GRID1: variants seen among roughly 807,000 people sequenced by gnomAD.
GRID1 encodes the protein glutamate receptor ionotropic, delta-1.
A neutral mutation model predicts 98.0 loss-of-function variants in GRID1; 28 were observed. The ratio of observed to expected loss-of-function variants is 0.29; its 90% confidence interval spans 0.21 to 0.39. GRID1 has a LOEUF of 0.39. GRID1 is among the 10% of genes least tolerant of loss of function. The pLI, the probability that GRID1 is intolerant of heterozygous loss-of-function variation, is 1.00. For synonymous variants in GRID1, 553 were observed against 538.5 expected (o/e 1.03, Z -0.37); for missense variants, 1,111 against 1,340.5 (o/e 0.83, Z 2.67).
intron 3 of GRID1, among the ~76,000 whole-genome samples, chr10:86,162,212 C>T (rs570437342): frequency 7.2e-5 from 11 of 152,160 alleles, no homozygotes; most frequent in South Asian, 4.2e-4. Flanking sequence ...GGTGGTGTCC[C>T]AGGCAGCAAG....
At chr10:85,953,768 C>A (rs1385401035) in intron 4 of GRID1, among the ~76,000 whole-genome samples, 2 of 152,212 alleles carry the variant, frequency 1.3e-5, no homozygotes, top group Non-Finnish European at 2.9e-5. Context: ...CTCCCCAGAA[C>A]AATTCATGCA....
At chr10:86,087,053 C>T (rs986059535) in intron 4 of GRID1, among the ~76,000 whole-genome samples, 7 of 152,028 alleles carry the variant, frequency 4.6e-5, no homozygotes, top group Admixed American at 3.3e-4. Flanking sequence ...GACAAAATTA[C>T]CAATAGTTTA....
chr10:86,105,685 G>A (rs1340423245), intron 4 of GRID1, among the ~76,000 whole-genome samples: 1 of 152,236 alleles, frequency 6.6e-6, no homozygotes, highest in African/African-American at 2.4e-5. Context: ...AGCCGGCACT[G>A]TGGAGAGAAA....
intron 8 of GRID1, among the ~76,000 whole-genome samples, chr10:85,832,813 C>G (rs551934575): frequency 6.6e-6 from 1 of 152,288 alleles, no homozygotes; most frequent in East Asian, 1.9e-4. Flanking sequence ...ATTCTTCTCC[C>G]AGCCAGACCA....
chr10:85,653,978 A>G (rs1308174971), intron 12 of GRID1, among the ~76,000 whole-genome samples: 1 of 152,156 alleles, frequency 6.6e-6, no homozygotes, highest in South Asian at 2.1e-4. Context: ...AGACTAAGAA[A>G]ACAGTTCTCC....
At chr10:85,990,226 T>C (rs1842663524) in intron 4 of GRID1, among the ~76,000 whole-genome samples, 1 of 152,178 alleles carries the variant, frequency 6.6e-6, no homozygotes, top group African/African-American at 2.4e-5. Flanking sequence ...CCCTGAAACT[T>C]AGGCATCGTT....
At chr10:85,955,010 C>T (rs1050492139) in intron 4 of GRID1, among the ~76,000 whole-genome samples, 2 of 152,046 alleles carry the variant, frequency 1.3e-5, no homozygotes, top group South Asian at 2.1e-4. Context: ...TACAAGTATA[C>T]AAAAAATACA....
chr10:85,602,221 A>T lies in GRID1; in HGVS notation c.*52T>A. 3 of 1,096,418 alleles carry T rather than the reference A, an allele frequency of 2.7e-6. No individual in the cohort carries two copies. Among genetic ancestry groups the T allele is most frequent in the Non-Finnish European group, 3.7e-6 (3 of 808,246 alleles). The allele number at this position is 1,096,418 out of a possible 1,614,324, so 67.9% of individuals were successfully genotyped here. On this transcript the variant is annotated 3_prime_UTR_variant, in exon 16 of 16. Transcript: ENST00000327946. ...GTGTTGTTGTTTTCTTGTATTAAAAAGCTCTGCTGGTCGGGTGGGTGGGAG... is the reference window on the plus strand; with the variant it reads ...GTGTTGTTGTTTTCTTGTATTAAAATGCTCTGCTGGTCGGGTGGGTGGGAG...
In GRID1 at chr10:86,108,386, G is replaced by A. The variant is rs139046599; in HGVS notation, c.726+30433C>T. Among the ~76,000 whole-genome samples, 435 of 152,328 alleles carry A rather than the reference G, an allele frequency of 2.9e-3. 13 individuals are homozygous for A. The highest frequency in any genetic ancestry group is 0.024 in the Admixed American group (361 of 15,306). ...ATAAACAAAAAAAGTGCTCAGAAAA[G>A]TGGTAAGCCTCAAAAGGTTATTAGC... On this transcript the variant is annotated intron_variant, in intron 4 of 15. Transcript: ENST00000327946.
At chr10:86,248,338 C>T (rs1846764789) in intron 2 of GRID1, among the ~76,000 whole-genome samples, 1 of 152,102 alleles carries the variant, frequency 6.6e-6, no homozygotes, top group Non-Finnish European at 1.5e-5. Flanking sequence ...AGCAGGTGGC[C>T]ATATTCAGAC....
intron 4 of GRID1, among the ~76,000 whole-genome samples, chr10:86,106,891 T>C (rs1236073941): frequency 6.6e-6 from 1 of 150,654 alleles, no homozygotes; most frequent in East Asian, 2.0e-4. Context: ...AGCCCAGGGG[T>C]GAAGAGGAAA....
intron 12 of GRID1, among the ~76,000 whole-genome samples, chr10:85,716,310 A>G (rs980495686): frequency 5.3e-5 from 8 of 152,140 alleles, no homozygotes; most frequent in Non-Finnish European, 1.0e-4. Flanking sequence ...TATCGCAAGG[A>G]CAAAAAAAAC....
chr10:85,850,989 A>G (rs1843053191), intron 8 of GRID1, among the ~76,000 whole-genome samples: 1 of 152,152 alleles, frequency 6.6e-6, no homozygotes, highest in African/African-American at 2.4e-5. Context: ...AGCTTCCCAC[A>G]CACACCACCT....
intron 2 of GRID1, among the ~76,000 whole-genome samples, chr10:86,208,509 T>C (rs540083628): frequency 6.6e-6 from 1 of 152,304 alleles, no homozygotes; most frequent in Admixed American, 6.5e-5. Flanking sequence ...CACCCTTTTC[T>C]GCTACATCCC....
chr10:86,038,334 C>G (rs1843298734), intron 4 of GRID1, among the ~76,000 whole-genome samples: 3 of 152,310 alleles, frequency 2.0e-5, no homozygotes, highest in Non-Finnish European at 2.9e-5. Flanking sequence ...CAGCTACAAG[C>G]CAGGTACGAT....
chr10:85,668,330 A>G (rs59310035), intron 12 of GRID1, among the ~76,000 whole-genome samples: 6,832 of 152,200 alleles, frequency 0.045, 459 homozygotes, highest in African/African-American at 0.15. Flanking sequence ...GTTTGTGTGT[A>G]TATGTGTGGT....
At chr10:85,878,683 C>A (rs937029249) in intron 5 of GRID1, among the ~76,000 whole-genome samples, 1 of 152,280 alleles carries the variant, frequency 6.6e-6, no homozygotes, top group South Asian at 2.1e-4. Flanking sequence ...AATGTAAAGA[C>A]CATCAAGGCT....
rs554334164 is a variant in GRID1, at chr10:86,291,812, C to G, written c.235+72129G>C. Among the ~76,000 whole-genome samples, 11 of 152,328 alleles carry G rather than the reference C, an allele frequency of 7.2e-5. No individual in the cohort carries two copies. The East Asian group carries it at 2.1e-3, about 29-fold the overall frequency. On this transcript the variant is annotated intron_variant, in intron 2 of 15. Transcript: ENST00000327946. ...CACCATGCCCTGAGCCCATGACACA[C>G]GGACACAGCACAGCAAGGTCTGGGG...
chr10:86,047,995 C>A (rs551417723), intron 4 of GRID1, among the ~76,000 whole-genome samples: 1 of 152,120 alleles, frequency 6.6e-6, no homozygotes, highest in South Asian at 2.1e-4. Flanking sequence ...TGTGGCAATG[C>A]GGTGACTGCA....
Sources: allele counts gnomAD v4.1 joint callset (sites outside exome capture counted in the v4.1 genomes callset), GRCh38; gene constraint gnomAD v4.1.1; transcripts MANE v1.5; gene names NCBI Gene and HGNC (gene_info 2026-07-23, HGNC 2026-07-21).